Variants in PCDHGC4 observed in about 807,000 individuals in gnomAD.
PCDHGC4 encodes protocadherin gamma subfamily C, 4, also known as protocadherin gamma-C4.
In PCDHGC4, 15 loss-of-function variants were observed where a neutral mutation model predicts 59.7. The ratio of observed to expected loss-of-function variants is 0.25; its 90% CI spans 0.17 to 0.39. PCDHGC4 has a LOEUF of 0.39. PCDHGC4 is among the 10% of genes least tolerant of loss of function. PCDHGC4 has a pLI of 1.00. For missense variants in PCDHGC4, 1,016 were observed against 1,189.5 expected (o/e 0.85, Z 2.15); for synonymous variants, 434 against 481.4 (o/e 0.90, Z 1.29).
intron 2 of PCDHGC4, among the ~76,000 whole-genome samples, chr5:141,504,782 G>A (rs2099841011): frequency 6.6e-6 from 1 of 151,926 alleles, no homozygotes; most frequent in Non-Finnish European, 1.5e-5. Context: ...AGGGTCTCTT[G>A]GGGCCTCCTA....
At chr5:141,503,729 G>C (rs531112359) in intron 2 of PCDHGC4, among the ~76,000 whole-genome samples, 1 of 152,190 alleles carries the variant, frequency 6.6e-6, no homozygotes, top group East Asian at 1.9e-4. Flanking sequence ...CTTTATGTTT[G>C]TTGTGATGGT....
Position 141,486,006 on chromosome 5 carries a change from C to G in PCDHGC4, c.833C>G (p.Thr278Ser), listed in dbSNP as rs1394484191. The G allele has an allele frequency of 1.9e-6, 3 of 1,614,190 alleles. No individual in the cohort carries two copies. The highest frequency in any genetic ancestry group is 1.1e-5 in the South Asian group (1 of 91,084). Residue 278 changes from threonine to serine, a missense_variant, in exon 1 of 4, where the codon ACC (threonine) becomes AGC (serine). Transcript: ENST00000306593. The surrounding 1 kb of genome is among the most constrained non-coding windows in gnomAD (Gnocchi z 5.0). Reference protein sequence around the residue: ...DPDLGPSGNVTFYFSGHTPDR... With the variant: ...DPDLGPSGNVSFYFSGHTPDR... Reference sequence around the variant, plus strand: ...GACCTGGGTCCCAGTGGTAACGTCACCTTTTATTTCAGTGGTCATACCCCT... The same window carrying G: ...GACCTGGGTCCCAGTGGTAACGTCAGCTTTTATTTCAGTGGTCATACCCCT...
rs762574320 is a variant in PCDHGC4, at chr5:141,485,926, G to T, written c.753G>T (p.Val251=). 2.5e-6 allele frequency: 4 copies of T among 1,614,090 alleles called. No individual in the cohort carries two copies. The highest frequency in any genetic ancestry group is 3.4e-6 in the Non-Finnish European group (4 of 1,180,052). Residue 251 remains valine, a synonymous_variant, in exon 1 of 4, where the codon GTG becomes GTT. Transcript: ENST00000306593. This position sits in a 1 kb window ranked among gnomAD's most constrained non-coding sequence, Gnocchi z 5.7. ...AFQQSSYRIS[V]LESAPAGMVL... is the part of the protein sequence containing the mutation. Reference sequence around the variant, plus strand: ...AGCAATCCAGCTACAGGATTAGTGTGTTGGAGAGCGCACCAGCGGGCATGG... The same window carrying T: ...AGCAATCCAGCTACAGGATTAGTGTTTTGGAGAGCGCACCAGCGGGCATGG...
Position 141,491,754 on chromosome 5 carries a change from C to T in PCDHGC4, c.2443-3053C>T. ...CCCCTGGGGGCGGCACTGGAGAAGC[C>T]GCCCGTCCTCATAAGGGATTGAACT... On this transcript the variant is annotated intron_variant, in intron 1 of 3. Transcript: ENST00000306593. The surrounding 1 kb of genome is among the most constrained non-coding windows in gnomAD (Gnocchi z 6.9). 5.7e-6 allele frequency: 9 copies of T among 1,582,682 alleles called. No individual in the cohort carries two copies. The highest frequency in any genetic ancestry group is 7.7e-6 in the Non-Finnish European group (9 of 1,165,614).
chr5:141,503,598 CAAAAA>C (rs765754054), intron 2 of PCDHGC4, among the ~76,000 whole-genome samples: 1 of 65,760 alleles, frequency 1.5e-5, no homozygotes, highest in African/African-American at 4.7e-5. Context: ...GACTCCAGCT[CAAAAA>C]AAAAAAAAAA....
intron 2 of PCDHGC4, among the ~76,000 whole-genome samples, chr5:141,502,382 T>C (rs1668612742): frequency 1.3e-5 from 2 of 152,088 alleles, no homozygotes; most frequent in Non-Finnish European, 2.9e-5. Context: ...CCAGGCCAGT[T>C]GTACTTTAAA....
Position 141,501,330 on chromosome 5 carries a change from CA to C in PCDHGC4, c.2502-4062del, listed in dbSNP as rs1562200936. 1.8e-3 allele frequency among the ~76,000 whole-genome samples: 266 copies of C among 151,500 alleles called. 1 individual carries two copies. Among genetic ancestry groups the C allele is most frequent in the African/African-American group, 5.1e-3 (210 of 41,250 alleles). On this transcript the variant is annotated intron_variant, in intron 2 of 3. Transcript: ENST00000306593. ...ACACACACACACACACACACACACACACACCCCAAACTCAATAGGGCAAGAA... is the reference window on the plus strand; with the variant it reads ...ACACACACACACACACACACACACACCACCCCAAACTCAATAGGGCAAGAA...
At chr5:141,494,954 G>A in intron 2 of PCDHGC4, 89 bp downstream of exon 2, 2 of 1,601,116 alleles carry the variant, frequency 1.2e-6, no homozygotes. Context: ...CCCAGCATTT[G>A]CTACAGATGG....
In PCDHGC4 at chr5:141,485,441, A is replaced by G. The variant is rs1562105312; in HGVS notation, c.268A>G (p.Ile90Val). ...CGGAGCCCTGCTCATCAAGAACCCA[A>G]TCGACCGAGAGGCACTGTGTGGGCT... ...DSGALLIKNP[I>V]DREALCGLSA... The change falls in exon 1 of 4, where the codon ATC becomes GTC. Residue 90 changes from isoleucine to valine, a missense_variant. Ile to Val is a conservative substitution (Grantham distance 29). Transcript: ENST00000306593. The surrounding 1 kb of genome is among the most constrained non-coding windows in gnomAD (Gnocchi z 5.7). 3 of 1,613,910 alleles carry G rather than the reference A, an allele frequency of 1.9e-6. No homozygotes were observed. Among genetic ancestry groups the G allele is most frequent in the South Asian group, 1.1e-5 (1 of 91,062 alleles).
rs2099641960 is a variant in PCDHGC4 at position 141,487,259 on chromosome 5, T to C, written c.2086T>C (p.Ser696Pro). The change falls in exon 1 of 4, where the codon TCC becomes CCC. Residue 696 changes from serine (S) to proline (P), a missense_variant. Ser to Pro is a moderately conservative substitution (Grantham distance 74). Coordinates refer to ENST00000306593, the MANE Select transcript of PCDHGC4 (RefSeq NM_018928.3). This position sits in a 1 kb window ranked among gnomAD's most constrained non-coding sequence, Gnocchi z 5.0. ...TCGTCTAACCCTCTACTTGGCTGTG[T>C]CCCTAGTGGCAATTTGCTTTGTCTC... ...ESRLTLYLAVSLVAICFVSFG... is the reference protein window; with the variant it reads ...ESRLTLYLAVPLVAICFVSFG... 6.2e-7 allele frequency: 1 copy of C among 1,614,132 alleles called. No homozygotes were observed. Among genetic ancestry groups the C allele is most frequent in the Non-Finnish European group, 8.5e-7 (1 of 1,180,012 alleles).
chr5:141,485,549 G>T lies in PCDHGC4; in HGVS notation c.376G>T (p.Val126Leu). 1 of 1,614,030 alleles carries T rather than the reference G, an allele frequency of 6.2e-7. No homozygotes were observed. Among genetic ancestry groups the T allele is most frequent in the Non-Finnish European group, 8.5e-7 (1 of 1,179,922 alleles). Residue 126 changes from valine to leucine, a missense_variant, in exon 1 of 4, where the codon GTG becomes TTG. Coordinates refer to ENST00000306593, the MANE Select transcript of PCDHGC4 (RefSeq NM_018928.3). The surrounding 1 kb of genome is among the most constrained non-coding windows in gnomAD (Gnocchi z 5.7). Reference sequence around the variant, plus strand: ...CCGAGCAGAGGTAGAGATCGTAGATGTGAATGATCACGCCCCCCGTTTTCC... The same window carrying T: ...CCGAGCAGAGGTAGAGATCGTAGATTTGAATGATCACGCCCCCCGTTTTCC... ...MYRAEVEIVD[V>L]NDHAPRFPRQ...
intron 2 of PCDHGC4, among the ~76,000 whole-genome samples, chr5:141,500,281 T>A (rs1254933339): frequency 2.0e-5 from 3 of 151,934 alleles, no homozygotes; most frequent in Non-Finnish European, 4.4e-5. Context: ...CAATCTCGGC[T>A]CACTGCAAGC....
intron 2 of PCDHGC4, among the ~76,000 whole-genome samples, chr5:141,496,744 T>C (rs1383447795): frequency 6.6e-6 from 1 of 152,170 alleles, no homozygotes; most frequent in Non-Finnish European, 1.5e-5. Context: ...GTTCATTTAT[T>C]CAACAAATAT....
chr5:141,495,644 A>C (rs767670166), intron 2 of PCDHGC4, among the ~76,000 whole-genome samples: 1 of 151,770 alleles, frequency 6.6e-6, no homozygotes, highest in African/African-American at 2.4e-5. Flanking sequence ...TCATTTGTCT[A>C]CTTGCATTGA....
In PCDHGC4 at chr5:141,511,074, C is replaced by G; in HGVS notation, c.2718C>G (p.Ser906Arg). 1.2e-6 allele frequency: 2 copies of G among 1,614,238 alleles called. No homozygotes were observed. The highest frequency in any genetic ancestry group is 1.7e-6 in the Non-Finnish European group (2 of 1,180,040). ...GCCAGAATGTCTACATCCCAGGCAGCAATGCCACACTGACCAACGCAGCTG... is the reference window on the plus strand; with the variant it reads ...GCCAGAATGTCTACATCCCAGGCAGGAATGCCACACTGACCAACGCAGCTG... The part of the protein sequence containing the change: ...DYRQNVYIPG[S>R]NATLTNAAGK... Residue 906 changes from serine (S) to arginine (R), a missense_variant, in exon 4 of 4, where the codon AGC becomes AGG. Coordinates refer to ENST00000306593, the MANE Select transcript of PCDHGC4 (RefSeq NM_018928.3).
rs769514553 is a variant in PCDHGC4, at chr5:141,490,072, G to T, written c.2442+2457G>T. On this transcript the variant is annotated intron_variant, in intron 1 of 3. Transcript: ENST00000306593. The surrounding 1 kb of genome is among the most constrained non-coding windows in gnomAD (Gnocchi z 5.4). Reference sequence around the variant, plus strand: ...AGACGAGGGCACCAACGGCCAACTAGACTATTCTTTTGGAGACCACACATC... The same window carrying T: ...AGACGAGGGCACCAACGGCCAACTATACTATTCTTTTGGAGACCACACATC... 2 of 1,614,254 alleles carry T rather than the reference G, an allele frequency of 1.2e-6. No homozygotes were observed. Among genetic ancestry groups the T allele is most frequent in the South Asian group, 2.2e-5 (2 of 91,090 alleles).
chr5:141,491,648 T>G lies in PCDHGC4; in HGVS notation c.2443-3159T>G, dbSNP rs756792762. 1 of 1,613,834 alleles carries G rather than the reference T, an allele frequency of 6.2e-7. No individual in the cohort carries two copies. Among genetic ancestry groups the G allele is most frequent in the Non-Finnish European group, 8.5e-7 (1 of 1,180,002 alleles). On this transcript the variant is annotated intron_variant, in intron 1 of 3. Coordinates refer to ENST00000306593, the MANE Select transcript of PCDHGC4 (RefSeq NM_018928.3). This position sits in a 1 kb window ranked among gnomAD's most constrained non-coding sequence, Gnocchi z 6.9. Reference sequence around the variant, plus strand: ...GTTCAGCAGCCCACAGCTCTGGCGCTGGAGCCTGACGCCATCCGGTCCCGC... The same window carrying G: ...GTTCAGCAGCCCACAGCTCTGGCGCGGGAGCCTGACGCCATCCGGTCCCGC...
rs138070043 is a variant in PCDHGC4, at chr5:141,512,950, AAAT to A, written c.*1783_*1785del. 5,271 of 152,332 alleles carry A rather than the reference AAAT, an allele frequency of 0.035. 119 individuals carry two copies. The highest frequency in any genetic ancestry group is 0.075 in the South Asian group (360 of 4,826). The allele number at this position is 152,332 out of a possible 1,614,324, so 9.4% of individuals were successfully genotyped here. On this transcript the variant is annotated 3_prime_UTR_variant, in exon 4 of 4. Coordinates refer to ENST00000306593, the MANE Select transcript of PCDHGC4 (RefSeq NM_018928.3). ...ATATGGCTTTTTTTCTTCGACAAAA[AAAT>A]AATAAAACGTTTCTTCTGAAAAGCT...
rs768635851 is a variant in PCDHGC4 at position 141,489,334 on chromosome 5, C to G, written c.2442+1719C>G. 2 of 1,606,614 alleles carry G rather than the reference C, an allele frequency of 1.2e-6. No individual in the cohort carries two copies. Among genetic ancestry groups the G allele is most frequent in the Non-Finnish European group, 1.7e-6 (2 of 1,175,584 alleles). On this transcript the variant is annotated intron_variant, in intron 1 of 3. Coordinates refer to ENST00000306593, the MANE Select transcript of PCDHGC4 (RefSeq NM_018928.3). The surrounding 1 kb of genome is among the most constrained non-coding windows in gnomAD (Gnocchi z 4.5). Reference sequence around the variant, plus strand: ...CTGGGGCTGGGTGTCTGGGCAGCTTCGTTACTCAGTGGTGGAGGAGTCTGA... The same window carrying G: ...CTGGGGCTGGGTGTCTGGGCAGCTTGGTTACTCAGTGGTGGAGGAGTCTGA...
Sources: gnomAD v4.1 joint callset for allele counts (sites outside exome capture counted in the v4.1 genomes callset) on GRCh38, gnomAD v4.1.1 for gene constraint, Gnocchi (gnomAD v3.1) non-coding constraint, MANE v1.5 for transcripts, NCBI Gene and HGNC (gene_info 2026-07-23, HGNC 2026-07-21) for gene names.